Variants in PTPRB observed in about 807,000 individuals in gnomAD.
PTPRB encodes protein tyrosine phosphatase receptor type B.
PTPRB carries 97 observed loss-of-function variants against 238.1 expected under a neutral mutation model. That is an observed-to-expected ratio of 0.41 (90% CI 0.35 to 0.48). PTPRB has a LOEUF of 0.48. Ranked by LOEUF, PTPRB falls within the 20% of genes least tolerant of loss-of-function variation. The pLI is 0.30. For missense variants in PTPRB, 2,292 were observed against 2,681.9 expected, an observed-to-expected ratio of 0.85 and a Z score of 3.21; for synonymous variants, 970 against 995.4, an observed-to-expected ratio of 0.97 and a Z score of 0.48.
Position 70,563,027 on chromosome 12 carries a change from C to A in PTPRB, c.3985G>T (p.Glu1329Ter). Residue 1329 changes from glutamate to a stop codon, truncating the protein, a stop_gained, in exon 16 of 34, where the codon GAG becomes TAG. Coordinates refer to ENST00000334414, the MANE Select transcript of PTPRB (RefSeq NM_001109754.4). LOFTEE classifies it high-confidence loss of function. ...LSFRWTASEGELSWYNIFLYN... is the reference protein window; with the variant it reads ...LSFRWTASEG ...AAAAAGATGTTGTACCAGCTGAGCT[C>A]CCCCTCTGAGGCGGTCCAGCGGAAG... 6.2e-7 allele frequency: 1 copy of A among 1,613,932 alleles called. No homozygotes were observed. The highest frequency in any genetic ancestry group is 1.1e-5 in the South Asian group (1 of 91,070).
At position 70,515,978 on chromosome 12, in the gene PTPRB, A is replaced by G. The variant is rs887636801; in HGVS notation, c.*5511T>C. ...ATATAAAAATGTATTAAGCAAATAC[A>G]TAATTTAAATTGAAAGACTAAGGAA... On this transcript the variant is annotated 3_prime_UTR_variant, in exon 34 of 34. Transcript: ENST00000334414. 2.0e-5 allele frequency: 3 copies of G among 152,304 alleles called. No homozygotes were observed. The highest frequency in any genetic ancestry group is 1.9e-4 in the East Asian group (1 of 5,178). The allele number at this position is 152,304 out of a possible 1,614,324, so 9.4% of individuals were successfully genotyped here.
intron 11 of PTPRB, among the ~76,000 whole-genome samples, chr12:70,574,250 A>G (rs566630045): frequency 6.6e-6 from 1 of 152,290 alleles, no homozygotes; most frequent in South Asian, 2.1e-4. Flanking sequence ...GTATTTTGGC[A>G]TGGAAGCTCC....
At chr12:70,629,498 G>C (rs539890244) in intron 2 of PTPRB, among the ~76,000 whole-genome samples, 1 of 152,272 alleles carries the variant, frequency 6.6e-6, no homozygotes, top group Non-Finnish European at 1.5e-5. Flanking sequence ...AAGCATGAAA[G>C]ATCTAAAATT....
chr12:70,576,333 C>A, intron 11 of PTPRB, 49 bp downstream of exon 11: 1 of 1,581,334 alleles, frequency 6.3e-7, no homozygotes, highest in Non-Finnish European at 8.6e-7. Flanking sequence ...TGCCCTGAGC[C>A]ACATGTGAAT....
chr12:70,559,100 T>C, intron 18 of PTPRB: 1 of 594,156 alleles, frequency 1.7e-6, no homozygotes, highest in Non-Finnish European at 3.0e-6. Context: ...CAAAATATAA[T>C]GTCTATTTAC....
chr12:70,522,863 C>CTT (rs35913444), intron 33 of PTPRB, among the ~76,000 whole-genome samples: 27,967 of 118,112 alleles, frequency 0.24, 4,166 homozygotes, highest in East Asian at 0.48. Flanking sequence ...TTTGTTTTTT[C>CTT]TTTTTTTTTT....
At chr12:70,569,093 A>G (rs1879695393) in intron 14 of PTPRB, among the ~76,000 whole-genome samples, 1 of 151,952 alleles carries the variant, frequency 6.6e-6, no homozygotes, top group African/African-American at 2.4e-5. Context: ...ATTAAAATTT[A>G]TTTATTTATT....
At chr12:70,589,713 G>A (rs1882279803) in intron 8 of PTPRB, among the ~76,000 whole-genome samples, 1 of 152,182 alleles carries the variant, frequency 6.6e-6, no homozygotes, top group East Asian at 1.9e-4. Context: ...CAGAATGTAT[G>A]CATCTTACTC....
In PTPRB at chr12:70,534,420, T is replaced by A. The variant is rs1873769452; in HGVS notation, c.6368+68A>T. 5.2e-6 allele frequency: 8 copies of A among 1,529,410 alleles called. No homozygotes were observed. The Admixed American group carries it at 1.4e-4, about 26-fold the overall frequency. The allele number at this position is 1,529,410 out of a possible 1,614,324, so 94.7% of individuals were successfully genotyped here. A position where few individuals can be genotyped will look rare whatever the true frequency, so the allele number is the denominator to read the frequency against. On this transcript the variant is annotated intron_variant, in intron 31 of 33. Transcript: ENST00000334414. ...CCACCAAATTCCCCATGCTTATGTA[T>A]TTTTCCAGACTCCCAGGCACAACCC...
chr12:70,566,720 T>C lies in PTPRB; in HGVS notation c.3635-16A>G. On this transcript the variant is annotated splice_polypyrimidine_tract_variant and intron_variant, in intron 14 of 33. Coordinates refer to ENST00000334414, the MANE Select transcript of PTPRB (RefSeq NM_001109754.4). The stretch of plus-strand genomic sequence containing the variant: ...GATGCTGGAACTGCAGAGAGACAAG[T>C]GGAGCAACAAAATACAGATTTTATC... 4 of 1,607,166 alleles carry C rather than the reference T, an allele frequency of 2.5e-6. No homozygotes were observed. Among genetic ancestry groups the C allele is most frequent in the Non-Finnish European group, 3.4e-6 (4 of 1,175,790 alleles).
chr12:70,601,728 T>G (rs1883505285), intron 4 of PTPRB, among the ~76,000 whole-genome samples: 1 of 151,992 alleles, frequency 6.6e-6, no homozygotes, highest in East Asian at 1.9e-4. Context: ...GGAAAAGAAT[T>G]GTGCACAACC....
chr12:70,538,345 T>G (rs1874508105), intron 27 of PTPRB, 114 bp from the exon 28 acceptor site: 1 of 842,098 alleles, frequency 1.2e-6, no homozygotes, highest in African/African-American at 1.7e-5. Flanking sequence ...GAAGTGATCT[T>G]ATCTCCATTT....
At position 70,622,375 on chromosome 12, in the gene PTPRB, A is replaced by G. The variant is rs1884978621; in HGVS notation, c.708+15T>C. 1 of 1,610,316 alleles carries G rather than the reference A, an allele frequency of 6.2e-7. No individual in the cohort carries two copies. Among genetic ancestry groups the G allele is most frequent in the Admixed American group, 1.7e-5 (1 of 59,910 alleles). ...GACGTGCACAGACCACACTCCACAC[A>G]CCCCCTCCTTTTACCTCTTCAGTGG... On this transcript the variant is annotated intron_variant, in intron 3 of 33. Coordinates refer to ENST00000334414, the MANE Select transcript of PTPRB (RefSeq NM_001109754.4).
At chr12:70,628,980 T>A (rs1885324609) in intron 2 of PTPRB, among the ~76,000 whole-genome samples, 1 of 152,164 alleles carries the variant, frequency 6.6e-6, no homozygotes, top group Non-Finnish European at 1.5e-5. Context: ...CTGAAAGTAG[T>A]CCTTAAAGCT....
rs1871641156 is a variant in PTPRB, at chr12:70,521,449, CAG to C, written c.*38_*39del. Reference sequence around the variant, plus strand: ...AGCAAGTTTTTAAAAACAAATCACACAGTGAATAATTTTTATCCAGGAGCTCT... The same window carrying C: ...AGCAAGTTTTTAAAAACAAATCACACTGAATAATTTTTATCCAGGAGCTCT... On this transcript the variant is annotated 3_prime_UTR_variant, in exon 34 of 34. Transcript: ENST00000334414. 3 of 1,505,272 alleles carry C rather than the reference CAG, an allele frequency of 2.0e-6. No homozygotes were observed. The highest frequency in any genetic ancestry group is 2.7e-6 in the Non-Finnish European group (3 of 1,122,146). 93.2% of individuals were successfully genotyped at this position (1,505,272 alleles called of 1,614,324 possible). A position where few individuals can be genotyped will look rare whatever the true frequency, so the allele number is the denominator to read the frequency against.
chr12:70,589,417 G>T (rs1882257083), intron 8 of PTPRB, among the ~76,000 whole-genome samples: 1 of 152,180 alleles, frequency 6.6e-6, no homozygotes, highest in South Asian at 2.1e-4. Context: ...ATGAGTACAA[G>T]TATTTGACAG....
At chr12:70,568,617 A>G (rs1879623146) in intron 14 of PTPRB, among the ~76,000 whole-genome samples, 1 of 152,166 alleles carries the variant, frequency 6.6e-6, no homozygotes, top group African/African-American at 2.4e-5. Flanking sequence ...CTTCTAACAC[A>G]GGATTTGTCA....
At chr12:70,536,767 C>T (rs1484000541) in intron 28 of PTPRB, among the ~76,000 whole-genome samples, 1 of 152,232 alleles carries the variant, frequency 6.6e-6, no homozygotes, top group East Asian at 1.9e-4. Context: ...AGGGTCTCCA[C>T]ATTATGTCAC....
At position 70,592,435 on chromosome 12, in the gene PTPRB, A is replaced by G. The variant is rs1281005052; in HGVS notation, c.1627T>C (p.Ser543Pro). The change falls in exon 7 of 34, where the codon TCT becomes CCT. Residue 543 changes from serine (S) to proline (P), a missense_variant. By Grantham distance (74) the Ser-to-Pro change is moderately conservative (BLOSUM62 -1). Transcript: ENST00000334414. ...GNVDSYNITL[S>P]HKGTIKESRV... ...GATTCCTTGATGGTCCCTTTGTGAG[A>G]CAGGGTGATATTGTAAGAATCCACA... 1 of 1,613,826 alleles carries G rather than the reference A, an allele frequency of 6.2e-7. No individual in the cohort carries two copies. The highest frequency in any genetic ancestry group is 2.2e-5 in the East Asian group (1 of 44,890).
Sources: allele counts gnomAD v4.1 joint callset (sites outside exome capture counted in the v4.1 genomes callset), GRCh38; gene constraint gnomAD v4.1.1; transcripts MANE v1.5; gene names NCBI Gene and HGNC (gene_info 2026-07-23, HGNC 2026-07-21).